The following DNAH11 variants were observed in gnomAD, a reference collection of about 807,000 sequenced individuals.
DNAH11 encodes dynein axonemal heavy chain 11, also known as axonemal beta dynein heavy chain 11.
DNAH11 carries 442 observed loss-of-function variants against 526.0 expected under a neutral mutation model. The ratio of observed to expected loss-of-function variants is 0.84; its 90% CI spans 0.78 to 0.91. The LOEUF is 0.91. Ranked by LOEUF, DNAH11 falls within the 40% of genes least tolerant of loss-of-function variation. The pLI is 0.00. For synonymous variants in DNAH11, 2,461 were observed against 1,935.9 expected, an observed-to-expected ratio of 1.27 and a Z score of -7.12; for missense variants, 6,989 against 5,448.7, an observed-to-expected ratio of 1.28 and a Z score of -8.90.
At chr7:21,863,819 A>G (rs1783167623) in intron 69 of DNAH11, among the ~76,000 whole-genome samples, 1 of 152,186 alleles carries the variant, frequency 6.6e-6, no homozygotes, top group Non-Finnish European at 1.5e-5. Flanking sequence ...CTAATAAAAT[A>G]TTTTAGTGCA....
At position 21,896,627 on chromosome 7, in the gene DNAH11, C is replaced by T. The variant is rs1016654611; in HGVS notation, c.13049+1628C>T. On this transcript the variant is annotated intron_variant, in intron 79 of 81. Coordinates refer to ENST00000409508, the MANE Select transcript of DNAH11 (RefSeq NM_001277115.2). ...TCTTAGCACTTTTTTCTCTGAATAT[C>T]GTATTCTCCTCATGTCTACATTTAT... 3.3e-5 allele frequency among the ~76,000 whole-genome samples: 5 copies of T among 152,208 alleles called. No homozygotes were observed. The East Asian group carries it at 5.8e-4, about 18-fold the overall frequency.
At chr7:21,831,393 A>G (rs1468315039) in intron 65 of DNAH11, among the ~76,000 whole-genome samples, 1 of 152,214 alleles carries the variant, frequency 6.6e-6, no homozygotes, top group African/African-American at 2.4e-5. Flanking sequence ...ATAGGAAATT[A>G]ACCAAAAATT....
chr7:21,843,537 G>A (rs191638465), intron 66 of DNAH11, among the ~76,000 whole-genome samples: 1 of 149,268 alleles, frequency 6.7e-6, no homozygotes, highest in Admixed American at 6.7e-5. Flanking sequence ...CTGGAGTGCA[G>A]TGGCATGGTC....
chr7:21,816,849 C>G (rs1789818531), intron 64 of DNAH11, 147 bp downstream of exon 64: 3 of 679,866 alleles, frequency 4.4e-6, no homozygotes, highest in Non-Finnish European at 7.5e-6. Context: ...GTTCATGTTT[C>G]ATATAAAGTA....
intron 73 of DNAH11, among the ~76,000 whole-genome samples, chr7:21,870,149 G>A (rs1319301164): frequency 6.6e-6 from 1 of 152,164 alleles, no homozygotes; most frequent in South Asian, 2.1e-4. Context: ...GAGCCTCAAG[G>A]CCACAGGGCT....
chr7:21,597,664 G>C (rs560363839), intron 14 of DNAH11, among the ~76,000 whole-genome samples: 20 of 152,216 alleles, frequency 1.3e-4, no homozygotes, highest in Middle Eastern at 3.4e-3. Flanking sequence ...GGGGGGTTGG[G>C]GCAGGGAGTC....
intron 63 of DNAH11, among the ~76,000 whole-genome samples, chr7:21,813,858 T>C (rs1789644027): frequency 6.6e-6 from 1 of 152,208 alleles, no homozygotes; most frequent in African/African-American, 2.4e-5. Context: ...TCCAAACCCA[T>C]TTTCCTTGCT....
rs757621175 is a variant in DNAH11, at chr7:21,748,642, G to A, written c.8573G>A (p.Gly2858Asp). 3 of 1,613,118 alleles carry A rather than the reference G, an allele frequency of 1.9e-6. No individual in the cohort carries two copies. In the Admixed American group the frequency reaches 5.0e-5, roughly 27 times the overall value. The change falls in exon 52 of 82, where the codon GGC (glycine) becomes GAC (aspartate). Residue 2858 changes from glycine (G) to aspartate (D), a missense_variant. Transcript: ENST00000409508. ...QGCALLVGVG[G>D]SGKQSLSRLA... ...TGTGCTCTCTTGGTTGGAGTTGGGG[G>A]CAGTGGCAAGCAGAGCTTGTCCAGG...
chr7:21,627,149 T>A (rs556181437), intron 25 of DNAH11, among the ~76,000 whole-genome samples: 32 of 152,284 alleles, frequency 2.1e-4, no homozygotes, highest in African/African-American at 7.5e-4. Flanking sequence ...GTTGTTTGAA[T>A]TTTGTATGTA....
intron 28 of DNAH11, among the ~76,000 whole-genome samples, chr7:21,644,004 G>T (rs544789429): frequency 1.3e-5 from 2 of 152,230 alleles, no homozygotes; most frequent in East Asian, 3.9e-4. Flanking sequence ...CATATACTCA[G>T]GAATGCTTAA....
chr7:21,708,777 G>C (rs972451984), intron 40 of DNAH11, among the ~76,000 whole-genome samples: 11 of 152,144 alleles, frequency 7.2e-5, no homozygotes, highest in African/African-American at 2.7e-4. Flanking sequence ...TCTTCTGGAT[G>C]CCCGCATGAC....
At chr7:21,582,964 G>A (rs556146372) in intron 9 of DNAH11, among the ~76,000 whole-genome samples, 11 of 152,076 alleles carry the variant, frequency 7.2e-5, no homozygotes, top group Admixed American at 2.0e-4. Context: ...AAGAATTCAC[G>A]AGGATCTGGA....
rs1460692653 is a variant in DNAH11, at chr7:21,894,879, G to C, written c.12934-5G>C. The C allele has an allele frequency of 2.9e-5, 47 of 1,613,552 alleles. No individual in the cohort carries two copies. The highest frequency in any genetic ancestry group is 3.1e-5 in the Non-Finnish European group (37 of 1,179,726). On this transcript the variant is annotated splice_polypyrimidine_tract_variant and splice_region_variant and intron_variant, in intron 78 of 81. Transcript: ENST00000409508. ...TCACTGTGTGGCTTTTTTTCTCCATGCAAGGGGGAATTGGCATTATCTCCT... is the reference window on the plus strand; with the variant it reads ...TCACTGTGTGGCTTTTTTTCTCCATCCAAGGGGGAATTGGCATTATCTCCT...
At chr7:21,630,443 A>C (rs943643875) in intron 25 of DNAH11, among the ~76,000 whole-genome samples, 3 of 152,172 alleles carry the variant, frequency 2.0e-5, no homozygotes, top group African/African-American at 7.2e-5. Context: ...GTTTAATGTC[A>C]GTGTTTTTCT....
chr7:21,698,680 G>A (rs58942253), intron 36 of DNAH11, among the ~76,000 whole-genome samples: 13,883 of 152,134 alleles, frequency 0.091, 998 homozygotes, highest in East Asian at 0.4. Context: ...ATATTCCATG[G>A]TGTATATATA....
intron 44 of DNAH11, among the ~76,000 whole-genome samples, chr7:21,723,851 G>T (rs1476001541): frequency 6.7e-6 from 1 of 148,948 alleles, no homozygotes; most frequent in Non-Finnish European, 1.5e-5. Flanking sequence ...GGCACTTAAA[G>T]ATGCCTTCCC....
chr7:21,614,987 T>A (rs1278687083), intron 20 of DNAH11, 127 bp from the exon 21 acceptor site: 1 of 1,131,580 alleles, frequency 8.8e-7, no homozygotes, highest in Non-Finnish European at 1.2e-6. Context: ...GTAATTACGC[T>A]GCAGATTTAT....
In DNAH11 at chr7:21,543,080, G is replaced by A. The variant is rs1782647276; in HGVS notation, c.-166G>A. 4 of 1,379,166 alleles carry A rather than the reference G, an allele frequency of 2.9e-6. No individual in the cohort carries two copies. The highest frequency in any genetic ancestry group is 3.3e-5 in the South Asian group (2 of 61,032). 85.4% of individuals were successfully genotyped at this position (1,379,166 alleles called of 1,614,324 possible). On this transcript the variant is annotated 5_prime_UTR_variant, in exon 1 of 82. Coordinates refer to ENST00000409508, the MANE Select transcript of DNAH11 (RefSeq NM_001277115.2). ...TCGGCCTGCGAGGCTACAGCTGTGC[G>A]CAGTGGCGCGGCTGCTAAGTAGCAG...
At chr7:21,677,838 A>G (rs560523622) in intron 30 of DNAH11, among the ~76,000 whole-genome samples, 2 of 152,306 alleles carry the variant, frequency 1.3e-5, no homozygotes, top group Admixed American at 1.3e-4. Flanking sequence ...GATTTTGAGC[A>G]TCTTTTCATA....
Sources: gnomAD v4.1 joint callset for allele counts (sites outside exome capture counted in the v4.1 genomes callset) on GRCh38, gnomAD v4.1.1 for gene constraint, MANE v1.5 for transcripts, NCBI Gene and HGNC (gene_info 2026-07-23, HGNC 2026-07-21) for gene names.